The following TENM3 variants were observed in gnomAD, a reference collection of about 807,000 sequenced individuals.
TENM3 encodes teneurin-3.
A neutral mutation model predicts 255.1 loss-of-function variants in TENM3; 63 were observed. That is an observed-to-expected ratio of 0.25 (90% confidence interval 0.20 to 0.30). TENM3 has a LOEUF of 0.30. Ranked by LOEUF, TENM3 falls within the 10% of genes least tolerant of loss-of-function variation. The pLI is 1.00. For missense variants in TENM3, 2,929 were observed against 3,461.1 expected (o/e 0.85, Z 3.86); for synonymous variants, 1,306 against 1,322.3 (o/e 0.99, Z 0.27).
chr4:181,604,968 T>C, the TENM3 span, among the ~76,000 whole-genome samples: 1 of 152,186 alleles, frequency 6.6e-6, no homozygotes, highest in Non-Finnish European at 1.5e-5. Context: ...TGTGTGTTAT[T>C]GCGCAAAGTG....
the TENM3 span, among the ~76,000 whole-genome samples, chr4:181,553,848 C>T: frequency 6.6e-6 from 1 of 151,934 alleles, no homozygotes; most frequent in Non-Finnish European, 1.5e-5. Flanking sequence ...ATTCTGAAGC[C>T]TGAAATTCAG....
chr4:182,633,913 A>G (rs1751617000), intron 5 of TENM3, among the ~76,000 whole-genome samples: 1 of 152,230 alleles, frequency 6.6e-6, no homozygotes, highest in Admixed American at 6.5e-5. Context: ...AACATGCAGT[A>G]TGATGAAAGG....
chr4:181,728,736 C>T, the TENM3 span, among the ~76,000 whole-genome samples: 4 of 152,262 alleles, frequency 2.6e-5, no homozygotes, highest in African/African-American at 9.6e-5. Flanking sequence ...GTGCCGACCT[C>T]CTATCTCACC....
chr4:182,423,792 T>G (rs1472010881), intron 3 of TENM3, among the ~76,000 whole-genome samples: 1 of 152,202 alleles, frequency 6.6e-6, no homozygotes, highest in Non-Finnish European at 1.5e-5. Context: ...AGTTTTAATA[T>G]ATTCTAATGG....
At chr4:182,572,094 G>A (rs977377456) in intron 3 of TENM3, among the ~76,000 whole-genome samples, 6 of 152,112 alleles carry the variant, frequency 3.9e-5, no homozygotes, top group South Asian at 2.1e-4. Flanking sequence ...TAAAAACGGG[G>A]TTTCACCGTG....
At chr4:181,461,277 G>T in the TENM3 span, among the ~76,000 whole-genome samples, 13 of 151,770 alleles carry the variant, frequency 8.6e-5, no homozygotes, top group African/African-American at 2.9e-4. Context: ...ACACCTGTGT[G>T]TTTTTTTCCT....
upstream of TENM3, among the ~76,000 whole-genome samples, chr4:182,139,856 C>T (rs3828502): frequency 0.33 from 50,883 of 152,108 alleles, 9,043 homozygotes; most frequent in Non-Finnish European, 0.41. Context: ...GGAATACAAA[C>T]GAATGTACTG....
chr4:182,526,801 G>C (rs1739239337), intron 3 of TENM3, among the ~76,000 whole-genome samples: 1 of 152,120 alleles, frequency 6.6e-6, no homozygotes, highest in Non-Finnish European at 1.5e-5. Context: ...CATTAACATA[G>C]ACAGGTAGCT....
At chr4:182,032,277 C>T in the TENM3 span, among the ~76,000 whole-genome samples, 2 of 152,262 alleles carry the variant, frequency 1.3e-5, no homozygotes, top group Non-Finnish European at 2.9e-5. Flanking sequence ...TGAATTTTAT[C>T]AAAGGCTTTT....
intron 18 of TENM3, among the ~76,000 whole-genome samples, chr4:182,740,378 T>G (rs1761512312): frequency 6.6e-6 from 1 of 152,228 alleles, no homozygotes; most frequent in Non-Finnish European, 1.5e-5. Context: ...TTCTGTTATA[T>G]TAGTAGCACA....
At chr4:182,427,920 C>T (rs1040921388) in intron 3 of TENM3, among the ~76,000 whole-genome samples, 1 of 151,292 alleles carries the variant, frequency 6.6e-6, no homozygotes, top group Non-Finnish European at 1.5e-5. Context: ...TTTATCCCAC[C>T]TCCCAAAACC....
the TENM3 span, among the ~76,000 whole-genome samples, chr4:182,037,132 C>T: frequency 5.5e-5 from 8 of 146,702 alleles, no homozygotes; most frequent in Non-Finnish European, 1.0e-4. Flanking sequence ...CTCTCCCCCT[C>T]CAATCCAAAC....
At chr4:181,716,411 T>C in the TENM3 span, among the ~76,000 whole-genome samples, 8,960 of 152,304 alleles carry the variant, frequency 0.059, 520 homozygotes, top group African/African-American at 0.15. Context: ...TGAAGTCCTG[T>C]GTCTGTTTTA....
intron 1 of TENM3, among the ~76,000 whole-genome samples, chr4:182,191,250 T>C (rs983377987): frequency 2.6e-5 from 4 of 152,226 alleles, no homozygotes; most frequent in Non-Finnish European, 5.9e-5. Context: ...TTCAAAGCTC[T>C]CTTTAATATG....
At chr4:182,114,024 G>A in the TENM3 span, among the ~76,000 whole-genome samples, 19 of 152,082 alleles carry the variant, frequency 1.2e-4, no homozygotes, top group African/African-American at 4.1e-4. Context: ...TATAGTAACT[G>A]AAGTCAGACT....
the TENM3 span, among the ~76,000 whole-genome samples, chr4:181,979,123 T>C: frequency 1.0e-5 from 1 of 97,958 alleles, no homozygotes; most frequent in Non-Finnish European, 2.1e-5. Context: ...TATATATATA[T>C]ATATATATAT....
intron 4 of TENM3, among the ~76,000 whole-genome samples, chr4:182,618,762 G>A (rs1413657116): frequency 1.3e-5 from 2 of 152,022 alleles, no homozygotes. Context: ...TTTCATTTGA[G>A]GGTAAAAAAA....
In TENM3 at chr4:182,289,202, C is replaced by G. The variant is rs374123033; in HGVS notation, c.-75-34744C>G. Among the ~76,000 whole-genome samples, 8 of 152,350 alleles carry G rather than the reference C, an allele frequency of 5.3e-5. No individual in the cohort carries two copies. In the East Asian group the frequency reaches 5.8e-4, roughly 11 times the overall value. On this transcript the variant is annotated intron_variant, in intron 1 of 27. Coordinates refer to ENST00000511685, the MANE Select transcript of TENM3 (RefSeq NM_001080477.4). ...CTGTGATTGCGCCACCGCACTCCAG[C>G]CTGGGCGAGGGTGAGATGCTGTCTC...
chr4:181,555,199 T>A, the TENM3 span, among the ~76,000 whole-genome samples: 1 of 152,156 alleles, frequency 6.6e-6, no homozygotes, highest in African/African-American at 2.4e-5. Context: ...AACCATGAAG[T>A]AGATACTATT....
Sources: allele counts gnomAD v4.1 joint callset (sites outside exome capture counted in the v4.1 genomes callset), GRCh38; gene constraint gnomAD v4.1.1; transcripts MANE v1.5; gene names NCBI Gene and HGNC (gene_info 2026-07-23, HGNC 2026-07-21).